The following SDK1 variants were observed in gnomAD, a reference collection of about 807,000 sequenced individuals.
The protein encoded by SDK1 is protein sidekick-1.
SDK1 carries 157 observed loss-of-function variants against 245.5 expected under a neutral mutation model. The ratio of observed to expected loss-of-function variants is 0.64; its 90% CI spans 0.56 to 0.73. The LOEUF (loss-of-function observed/expected upper bound fraction) is 0.73. Ranked by LOEUF, SDK1 falls within the 30% of genes least tolerant of loss-of-function variation. The pLI, the probability that SDK1 is intolerant of heterozygous loss-of-function variation, is 0.00. For missense variants in SDK1, 3,583 were observed against 3,002.3 expected, an observed-to-expected ratio of 1.19 and a Z score of -4.52; for synonymous variants, 1,647 against 1,278.5, an observed-to-expected ratio of 1.29 and a Z score of -6.15.
chr7:3,705,573 G>A (rs1023056425), intron 4 of SDK1, among the ~76,000 whole-genome samples: 10 of 151,724 alleles, frequency 6.6e-5, no homozygotes, highest in African/African-American at 2.2e-4. Context: ...TTGGCATGTA[G>A]CAATGCTACT....
At chr7:3,463,204 A>G (rs956079667) in intron 1 of SDK1, among the ~76,000 whole-genome samples, 1 of 152,178 alleles carries the variant, frequency 6.6e-6, no homozygotes, top group Non-Finnish European at 1.5e-5. Flanking sequence ...ATAGTCCTTT[A>G]GGTTTACATT....
chr7:3,437,989 C>T (rs761576361), intron 1 of SDK1, among the ~76,000 whole-genome samples: 1 of 152,104 alleles, frequency 6.6e-6, no homozygotes, highest in Admixed American at 6.6e-5. Context: ...ATTTAATCCT[C>T]TAAGACCTGA....
At chr7:3,971,417 A>G in intron 11 of SDK1, 49 bp from the exon 12 acceptor site, 1 of 1,336,980 alleles carries the variant, frequency 7.5e-7, no homozygotes, top group Non-Finnish European at 1.1e-6. Context: ...GAGGGCAGAA[A>G]CTGTCAAACT....
intron 1 of SDK1, among the ~76,000 whole-genome samples, chr7:3,445,912 T>G (rs1222269238): frequency 1.3e-5 from 2 of 152,160 alleles, no homozygotes; most frequent in African/African-American, 4.8e-5. Flanking sequence ...TTTTCAACTT[T>G]CTTTACATAT....
intron 1 of SDK1, among the ~76,000 whole-genome samples, chr7:3,429,152 G>C (rs1159972861): frequency 6.6e-6 from 1 of 152,144 alleles, no homozygotes; most frequent in East Asian, 1.9e-4. Context: ...ATCTAAAATT[G>C]TTCAGGGTAC....
intron 4 of SDK1, among the ~76,000 whole-genome samples, chr7:3,768,422 TAAATAAAAATCAGTAAC>T (rs1780317212): frequency 6.6e-6 from 1 of 152,008 alleles, no homozygotes; most frequent in African/African-American, 2.4e-5. Context: ...TTAAGGAAAA[TAAATAAAAATCAGTAAC>T]TTCAAAGAGC....
chr7:4,144,532 T>C (rs1427756366), intron 28 of SDK1, among the ~76,000 whole-genome samples: 1 of 151,658 alleles, frequency 6.6e-6, no homozygotes, highest in Non-Finnish European at 1.5e-5. Flanking sequence ...GTAATTGTCC[T>C]CCCACCTCCC....
intron 39 of SDK1, among the ~76,000 whole-genome samples, chr7:4,220,880 C>A (rs1311342873): frequency 6.8e-6 from 1 of 147,128 alleles, no homozygotes; most frequent in Non-Finnish European, 1.5e-5. Context: ...TGAAGCGATA[C>A]CCCCACCCCC....
At chr7:3,793,429 C>G (rs1179336164) in intron 4 of SDK1, among the ~76,000 whole-genome samples, 45 of 152,162 alleles carry the variant, frequency 3.0e-4, no homozygotes, top group Admixed American at 2.9e-3. Context: ...ATTGACGTGA[C>G]AAACGCTGAA....
intron 1 of SDK1, among the ~76,000 whole-genome samples, chr7:3,437,324 T>G (rs183746324): frequency 3.2e-4 from 49 of 152,240 alleles, no homozygotes; most frequent in Admixed American, 1.9e-3. Context: ...AAAAAATCAG[T>G]GTAATCATTT....
intron 1 of SDK1, among the ~76,000 whole-genome samples, chr7:3,434,798 A>C (rs1779971400): frequency 1.3e-5 from 2 of 151,674 alleles, no homozygotes; most frequent in African/African-American, 4.9e-5. Flanking sequence ...GAGTGTAGAT[A>C]GAATCATGGG....
At chr7:4,224,174 G>A (rs1237308945) in intron 40 of SDK1, among the ~76,000 whole-genome samples, 4 of 152,186 alleles carry the variant, frequency 2.6e-5, no homozygotes, top group Admixed American at 6.5e-5. Flanking sequence ...CTGTGACTCC[G>A]TTCTCACATT....
intron 28 of SDK1, among the ~76,000 whole-genome samples, chr7:4,142,560 C>T (rs1041736942): frequency 6.6e-6 from 1 of 152,152 alleles, no homozygotes; most frequent in Non-Finnish European, 1.5e-5. Flanking sequence ...AACTCCTGAC[C>T]TTGTGATCCG....
chr7:3,971,709 G>A (rs377682178), intron 12 of SDK1, 141 bp downstream of exon 12: 3 of 670,736 alleles, frequency 4.5e-6, no homozygotes, highest in Non-Finnish European at 8.0e-6. Context: ...CTGGTTGTGG[G>A]CACCGTCATT....
rs551599527 is a variant in SDK1 at position 3,931,085 on chromosome 7, C to A, written c.848-19838C>A. On this transcript the variant is annotated intron_variant, in intron 5 of 44. Coordinates refer to ENST00000404826, the MANE Select transcript of SDK1 (RefSeq NM_152744.4). The stretch of plus-strand genomic sequence containing the variant: ...AAAATGAAGACATTGGAGAGCACTT[C>A]TAATCCGAGAGACGTTATAAGGATT... Among the ~76,000 whole-genome samples the A allele has an allele frequency of 1.1e-4, 17 of 152,310 alleles. No individual in the cohort carries two copies. In the South Asian group the frequency reaches 3.5e-3, roughly 32 times the overall value.
chr7:3,912,708 C>T (rs1031965401), intron 5 of SDK1, among the ~76,000 whole-genome samples: 16 of 152,236 alleles, frequency 1.1e-4, no homozygotes, highest in African/African-American at 3.4e-4. Flanking sequence ...TTATCATTCT[C>T]CTCTGGCAGA....
chr7:4,074,123 C>T (rs1047677880), intron 20 of SDK1, among the ~76,000 whole-genome samples: 2 of 152,084 alleles, frequency 1.3e-5, no homozygotes, highest in South Asian at 4.2e-4. Flanking sequence ...ATTTGACTTA[C>T]GACCTAAGTA....
chr7:3,749,983 T>C (rs766406354), intron 4 of SDK1, among the ~76,000 whole-genome samples: 5 of 152,242 alleles, frequency 3.3e-5, no homozygotes, highest in Admixed American at 1.3e-4. Flanking sequence ...TTTCACACTT[T>C]GTAATACAAA....
rs138621148 is a variant in SDK1, at chr7:3,889,750, C to T, written c.848-61173C>T. Among the ~76,000 whole-genome samples the T allele has an allele frequency of 4.4e-3, 666 of 152,242 alleles. 7 individuals are homozygous for T. The highest frequency in any genetic ancestry group is 0.015 in the African/African-American group (625 of 41,556). On this transcript the variant is annotated intron_variant, in intron 5 of 44. Coordinates refer to ENST00000404826, the MANE Select transcript of SDK1 (RefSeq NM_152744.4). ...GTCTCAATCTCCTGACCTCGTGATC[C>T]ACCCTCCTCGACCTCCCAAAGTGCT...
Sources: allele counts gnomAD v4.1 joint callset (sites outside exome capture counted in the v4.1 genomes callset), GRCh38; gene constraint gnomAD v4.1.1; transcripts MANE v1.5; gene names NCBI Gene and HGNC (gene_info 2026-07-23, HGNC 2026-07-21).